Variants in TLN2 observed in about 807,000 individuals in gnomAD.
TLN2 encodes talin-2.
In TLN2, 118 loss-of-function variants were observed where a neutral mutation model predicts 294.7. That is an observed-to-expected ratio of 0.40 (90% confidence interval 0.34 to 0.47). The LOEUF is 0.47. Among genes scored for constraint, TLN2 ranks in the 20% least tolerant of loss-of-function variants. The pLI is 0.84. For missense variants in TLN2, 3,083 were observed against 3,282.2 expected, an observed-to-expected ratio of 0.94 and a Z score of 1.48; for synonymous variants, 1,431 against 1,304.5, an observed-to-expected ratio of 1.10 and a Z score of -2.09.
At chr15:62,391,929 G>T (rs1009108990) in intron 1 of TLN2, among the ~76,000 whole-genome samples, 2 of 152,270 alleles carry the variant, frequency 1.3e-5, no homozygotes, top group African/African-American at 4.8e-5. Flanking sequence ...GCCGAGTGTA[G>T]AGCGTTCTCC....
chr15:62,564,925 A>AAAAATAT (rs759679956), intron 1 of TLN2, among the ~76,000 whole-genome samples: 9 of 80,646 alleles, frequency 1.1e-4, no homozygotes, highest in African/African-American at 4.3e-4. Context: ...AAAAAAAAAA[A>AAAAATAT]ATATATATAT....
Position 62,519,971 on chromosome 15 carries a change from T to C in TLN2, c.-237-69716T>C, listed in dbSNP as rs1033736477. Among the ~76,000 whole-genome samples, 6 of 152,306 alleles carry C rather than the reference T, an allele frequency of 3.9e-5. No homozygotes were observed. In the South Asian group the frequency reaches 6.2e-4, roughly 16 times the overall value. On this transcript the variant is annotated intron_variant, in intron 1 of 58. Coordinates refer to ENST00000636159, the MANE Select transcript of TLN2 (RefSeq NM_015059.3). Reference sequence around the variant, plus strand: ...TGTAGCTGGAGAGGCCTCACAATCATGGTGGAAGGCGAAAGGCACGTCTTA... The same window carrying C: ...TGTAGCTGGAGAGGCCTCACAATCACGGTGGAAGGCGAAAGGCACGTCTTA...
At chr15:62,760,696 A>G (rs917127858) in intron 37 of TLN2, among the ~76,000 whole-genome samples, 17 of 152,172 alleles carry the variant, frequency 1.1e-4, no homozygotes, top group Admixed American at 3.9e-4. Context: ...GCAGTCTAGC[A>G]TGGATCACAG....
At chr15:62,647,921 T>C (rs1386343693) in intron 4 of TLN2, among the ~76,000 whole-genome samples, 1 of 152,252 alleles carries the variant, frequency 6.6e-6, no homozygotes, top group Non-Finnish European at 1.5e-5. Flanking sequence ...TTGTGATATA[T>C]GTTTTGTTTG....
At chr15:62,697,913 C>G in intron 15 of TLN2, 45 bp downstream of exon 15, 1 of 1,594,836 alleles carries the variant, frequency 6.3e-7, no homozygotes, top group East Asian at 2.3e-5. Context: ...TCTGCTGCCT[C>G]CCGCATGCAG....
rs924644299 is a variant in TLN2, at chr15:62,573,486, A to G, written c.-237-16201A>G. ...TGAGCACACAGGTTCTTCAGGAAAA[A>G]TGCAGCTCCTTACCCCTCCTCTTCA... On this transcript the variant is annotated intron_variant, in intron 1 of 58. Coordinates refer to ENST00000636159, the MANE Select transcript of TLN2 (RefSeq NM_015059.3). Among the ~76,000 whole-genome samples the G allele has an allele frequency of 3.1e-4, 47 of 152,208 alleles. 1 individual carries two copies. Among genetic ancestry groups the G allele is most frequent in the Admixed American group, 2.9e-3 (44 of 15,292 alleles).
intron 1 of TLN2, among the ~76,000 whole-genome samples, chr15:62,531,658 T>C (rs918374254): frequency 1.3e-5 from 2 of 152,358 alleles, no homozygotes; most frequent in East Asian, 1.9e-4. Context: ...CCCATAAATA[T>C]AGTTGTAATT....
At chr15:62,637,949 A>G (rs1479520895) in intron 3 of TLN2, 3 of 152,272 alleles carry the variant, frequency 2.0e-5, no homozygotes, top group Admixed American at 1.3e-4. Context: ...CATCCATTTC[A>G]TTAGTATCGA....
chr15:62,492,352 A>G (rs1266354377), intron 1 of TLN2, among the ~76,000 whole-genome samples: 2 of 151,846 alleles, frequency 1.3e-5, no homozygotes, highest in African/African-American at 4.8e-5. Context: ...AGGTCAGGAG[A>G]TCGAGACCAT....
At chr15:62,672,984 GT>G (rs1358614843) in intron 9 of TLN2, among the ~76,000 whole-genome samples, 1 of 151,576 alleles carries the variant, frequency 6.6e-6, no homozygotes, top group Non-Finnish European at 1.5e-5. Context: ...GAAAAGCTTG[GT>G]TCCTAACAGC....
intron 2 of TLN2, among the ~76,000 whole-genome samples, chr15:62,594,641 T>C (rs2046336875): frequency 6.6e-6 from 1 of 152,198 alleles, no homozygotes; most frequent in South Asian, 2.1e-4. Flanking sequence ...TCTCACATTA[T>C]ATACAAAAAT....
At chr15:62,531,434 A>C (rs1388399577) in intron 1 of TLN2, among the ~76,000 whole-genome samples, 1 of 152,186 alleles carries the variant, frequency 6.6e-6, no homozygotes, top group Non-Finnish European at 1.5e-5. Flanking sequence ...GTCAAAGGGT[A>C]CGAAGGCTCA....
intron 2 of TLN2, among the ~76,000 whole-genome samples, chr15:62,596,178 T>C (rs2046491465): frequency 6.9e-6 from 1 of 144,086 alleles, no homozygotes; most frequent in Non-Finnish European, 1.5e-5. Context: ...GGCAGGAGAA[T>C]GGCGTGAACC....
intron 32 of TLN2, among the ~76,000 whole-genome samples, chr15:62,743,995 A>G (rs2061476254): frequency 6.6e-6 from 1 of 152,148 alleles, no homozygotes; most frequent in South Asian, 2.1e-4. Context: ...TGGTCTAGCA[A>G]GCAGCACAAA....
At chr15:62,533,029 G>A (rs764120545) in intron 1 of TLN2, among the ~76,000 whole-genome samples, 5 of 151,982 alleles carry the variant, frequency 3.3e-5, no homozygotes, top group East Asian at 1.9e-4. Context: ...CGAGGCAGGC[G>A]CATCGCTTGA....
intron 1 of TLN2, among the ~76,000 whole-genome samples, chr15:62,570,506 C>G (rs1378849304): frequency 3.3e-5 from 5 of 152,142 alleles, no homozygotes; most frequent in South Asian, 4.1e-4. Context: ...AGTGCTCTTT[C>G]TCCTTTCTTG....
At chr15:62,750,323 T>C in intron 33 of TLN2, 79 bp from the exon 34 acceptor site, 1 of 1,156,416 alleles carries the variant, frequency 8.6e-7, no homozygotes, top group Non-Finnish European at 1.3e-6. Flanking sequence ...GAGGGAGAGT[T>C]GATAGTTGGC....
intron 1 of TLN2, among the ~76,000 whole-genome samples, chr15:62,472,748 C>T (rs2037551945): frequency 4.6e-5 from 7 of 152,218 alleles, no homozygotes; most frequent in Admixed American, 4.6e-4. Flanking sequence ...TTGAGACACA[C>T]TGATCATGCC....
chr15:62,720,473 G>C (rs890517584), intron 25 of TLN2, among the ~76,000 whole-genome samples: 10 of 152,246 alleles, frequency 6.6e-5, no homozygotes, highest in African/African-American at 2.4e-4. Context: ...ATAAGCAGTT[G>C]ATATTATGAG....
Sources: gnomAD v4.1 joint callset for allele counts (sites outside exome capture counted in the v4.1 genomes callset) on GRCh38, gnomAD v4.1.1 for gene constraint, MANE v1.5 for transcripts, NCBI Gene and HGNC (gene_info 2026-07-23, HGNC 2026-07-21) for gene names.